Variants in FGF12 observed in about 807,000 individuals in gnomAD.
The protein encoded by FGF12 is fibroblast growth factor 12.
Under a neutral mutation model 23.6 loss-of-function variants are expected in FGF12, and 14 were observed. That is an observed-to-expected ratio of 0.59 (90% confidence interval 0.39 to 0.93). The LOEUF is 0.93. FGF12 is among the 40% of genes least tolerant of loss of function. The pLI, the probability that FGF12 is intolerant of heterozygous loss-of-function variation, is 0.00. For missense variants in FGF12, 175 were observed against 217.8 expected, an observed-to-expected ratio of 0.80 and a Z score of 1.24; for synonymous variants, 62 against 77.3, an observed-to-expected ratio of 0.80 and a Z score of 1.04.
rs780762290 is a variant in FGF12, at chr3:192,266,325, C to A, written c.228+69036G>T. Among the ~76,000 whole-genome samples the A allele has an allele frequency of 3.9e-4, 60 of 152,184 alleles. 1 individual carries two copies. In the Middle Eastern group the frequency reaches 0.017, roughly 43 times the overall value. On this transcript the variant is annotated intron_variant, in intron 4 of 5. Coordinates refer to ENST00000445105, the MANE Select transcript of FGF12 (RefSeq NM_004113.6). Reference sequence around the variant, plus strand: ...TGCATAATGTTAAGCACAGATAGGGCCTTATACACAGGGGACATTCAATGT... The same window carrying A: ...TGCATAATGTTAAGCACAGATAGGGACTTATACACAGGGGACATTCAATGT...
At position 192,336,022 on chromosome 3, in the gene FGF12, T is replaced by C. The variant is rs545627623; in HGVS notation, c.125-558A>G. ...TTTCTTGATATCTCAATTTTTTACATGTAAATAAACAGAGATAAACAGATG... is the reference window on the plus strand; with the variant it reads ...TTTCTTGATATCTCAATTTTTTACACGTAAATAAACAGAGATAAACAGATG... On this transcript the variant is annotated intron_variant, in intron 3 of 5. Transcript: ENST00000445105. The surrounding 1 kb of genome is among the most constrained non-coding windows in gnomAD (Gnocchi z 4.3). 6.6e-6 allele frequency among the ~76,000 whole-genome samples: 1 copy of C among 151,976 alleles called. No homozygotes were observed. The highest frequency in any genetic ancestry group is 1.5e-5 in the Non-Finnish European group (1 of 67,952).
chr3:192,360,830 T>C lies in FGF12; in HGVS notation c.14-292A>G, dbSNP rs575231395. Reference sequence around the variant, plus strand: ...GAGTTATTTTCCTCCTTTGTGCATCTGGTGTCTGACTGCAAGATTTCACCA... The same window carrying C: ...GAGTTATTTTCCTCCTTTGTGCATCCGGTGTCTGACTGCAAGATTTCACCA... On this transcript the variant is annotated intron_variant, in intron 2 of 5. Transcript: ENST00000445105. The surrounding 1 kb of genome is among the most constrained non-coding windows in gnomAD (Gnocchi z 4.3). 2 of 378,102 alleles carry C rather than the reference T, an allele frequency of 5.3e-6. No homozygotes were observed. Among genetic ancestry groups the C allele is most frequent in the African/African-American group, 2.1e-5 (1 of 48,438 alleles). 23.4% of individuals were successfully genotyped at this position (378,102 alleles called of 1,614,324 possible).
At chr3:192,708,670 G>A (rs1408896007) in intron 2 of FGF12, among the ~76,000 whole-genome samples, 1 of 152,094 alleles carries the variant, frequency 6.6e-6, no homozygotes, top group African/African-American at 2.4e-5. Context: ...TAGGACCCAA[G>A]GAACTATAGT....
intron 4 of FGF12, among the ~76,000 whole-genome samples, chr3:192,291,504 G>T (rs1050800982): frequency 7.2e-5 from 11 of 152,020 alleles, no homozygotes; most frequent in African/African-American, 2.7e-4. Flanking sequence ...AATTGCTTGG[G>T]CCTGGGAGGT....
intron 2 of FGF12, among the ~76,000 whole-genome samples, chr3:192,405,967 AG>A (rs1349528800): frequency 1.3e-5 from 2 of 152,212 alleles, no homozygotes; most frequent in East Asian, 3.8e-4. Context: ...ATGTCTTAAT[AG>A]GTCCTGCCAT....
chr3:192,180,504 C>T (rs1447090590), intron 4 of FGF12, among the ~76,000 whole-genome samples: 1 of 152,132 alleles, frequency 6.6e-6, no homozygotes, highest in Admixed American at 6.5e-5. Context: ...AAGATATGTG[C>T]TTCTAGTGCC....
At chr3:192,647,346 T>G (rs1256810360) in intron 2 of FGF12, among the ~76,000 whole-genome samples, 1 of 152,094 alleles carries the variant, frequency 6.6e-6, no homozygotes, top group Non-Finnish European at 1.5e-5. Context: ...AGGGGTGTTT[T>G]GCACTCCATT....
At chr3:192,418,054 GA>G (rs1721408491) in intron 2 of FGF12, among the ~76,000 whole-genome samples, 1 of 152,090 alleles carries the variant, frequency 6.6e-6, no homozygotes, top group African/African-American at 2.4e-5. Context: ...ATTATTTTAA[GA>G]TATTAGTCTG....
chr3:192,692,949 G>A (rs1335478257), intron 2 of FGF12, among the ~76,000 whole-genome samples: 1 of 150,690 alleles, frequency 6.6e-6, no homozygotes. Flanking sequence ...CACAGTATTG[G>A]AAGTACCAGC....
chr3:192,690,962 G>A (rs1487871830), intron 2 of FGF12, among the ~76,000 whole-genome samples: 1 of 151,986 alleles, frequency 6.6e-6, no homozygotes. Flanking sequence ...TAATGATGAA[G>A]GGGTCAATGC....
intron 2 of FGF12, among the ~76,000 whole-genome samples, chr3:192,708,064 A>G (rs1718537132): frequency 6.6e-6 from 1 of 152,008 alleles, no homozygotes; most frequent in South Asian, 2.1e-4. Flanking sequence ...GGTTCACTCC[A>G]TTCTTCTGCC....
intron 4 of FGF12, among the ~76,000 whole-genome samples, chr3:192,181,378 GACACACAC>G (rs35246455): frequency 6.8e-6 from 1 of 147,212 alleles, no homozygotes; most frequent in African/African-American, 2.5e-5. Context: ...CACACACACA[GACACACAC>G]ACACACACAC....
At chr3:192,342,677 G>C (rs1198457321) in intron 3 of FGF12, among the ~76,000 whole-genome samples, 3 of 152,074 alleles carry the variant, frequency 2.0e-5, no homozygotes, top group Non-Finnish European at 4.4e-5. Flanking sequence ...TTGGGAGGCT[G>C]AGGTCGGAGG....
rs145618860 is a variant in FGF12 at position 192,225,718 on chromosome 3, T to C, written c.229-55062A>G. On this transcript the variant is annotated intron_variant, in intron 4 of 5. Coordinates refer to ENST00000445105, the MANE Select transcript of FGF12 (RefSeq NM_004113.6). Reference sequence around the variant, plus strand: ...TGAAAAAGTAAAAACAACTGAAATGTCCATCAACTAATTAATGAATAAAAT... The same window carrying C: ...TGAAAAAGTAAAAACAACTGAAATGCCCATCAACTAATTAATGAATAAAAT... Among the ~76,000 whole-genome samples, 709 of 152,240 alleles carry C rather than the reference T, an allele frequency of 4.7e-3. 5 individuals are homozygous for C. Among genetic ancestry groups the C allele is most frequent in the Middle Eastern group, 0.017 (5 of 294 alleles).
rs184278809 is a variant in FGF12, at chr3:192,440,307, T to G, written c.14-79769A>C. ...TGCATTTTGAAAACGTCACTCTGAC[T>G]GTGGTCTGGGAAATTTTCAAGCAAA... On this transcript the variant is annotated intron_variant, in intron 2 of 5. Coordinates refer to ENST00000445105, the MANE Select transcript of FGF12 (RefSeq NM_004113.6). 1.4e-3 allele frequency among the ~76,000 whole-genome samples: 212 copies of G among 152,278 alleles called. 3 individuals are homozygous for G. In the East Asian group the frequency reaches 0.035, roughly 25 times the overall value.
intron 3 of FGF12, among the ~76,000 whole-genome samples, chr3:192,343,409 C>G (rs1323605567): frequency 6.6e-6 from 1 of 152,008 alleles, no homozygotes. Flanking sequence ...AAGTTAGTAC[C>G]AGGTTATTTT....
chr3:192,527,066 A>T (rs1457060692), intron 2 of FGF12, among the ~76,000 whole-genome samples: 2 of 152,176 alleles, frequency 1.3e-5, no homozygotes, highest in Admixed American at 6.5e-5. Context: ...TATTGATAAA[A>T]TTTGGAGGTG....
At chr3:192,394,529 AT>A (rs757842831) in intron 2 of FGF12, among the ~76,000 whole-genome samples, 2 of 152,192 alleles carry the variant, frequency 1.3e-5, no homozygotes, top group Non-Finnish European at 2.9e-5. Context: ...AGCACCATAA[AT>A]ATACATCAAG....
intron 4 of FGF12, among the ~76,000 whole-genome samples, chr3:192,261,311 C>T (rs1009486169): frequency 1.3e-5 from 2 of 151,928 alleles, no homozygotes; most frequent in Non-Finnish European, 1.5e-5. Context: ...AAGAACTGTA[C>T]TATTTTTACA....
Sources: allele counts gnomAD v4.1 joint callset (sites outside exome capture counted in the v4.1 genomes callset), GRCh38; gene constraint gnomAD v4.1.1; non-coding constraint Gnocchi (gnomAD v3.1); transcripts MANE v1.5; gene names NCBI Gene and HGNC (gene_info 2026-07-23, HGNC 2026-07-21).